The following ESCO2 variants were observed in gnomAD, a reference collection of about 807,000 sequenced individuals.
The protein encoded by ESCO2 is N-acetyltransferase ESCO2.
A neutral mutation model predicts 61.7 loss-of-function variants in ESCO2; 51 were observed. The ratio of observed to expected loss-of-function variants is 0.83; its 90% CI spans 0.66 to 1.04. The LOEUF (loss-of-function observed/expected upper bound fraction) is 1.04. Among genes scored for constraint, ESCO2 ranks in the 50% least tolerant of loss-of-function variants. The pLI, the probability that ESCO2 is intolerant of heterozygous loss-of-function variation, is 0.00. For synonymous variants in ESCO2, 230 were observed against 238.2 expected (o/e 0.97, Z 0.32); for missense variants, 692 against 686.2 (o/e 1.01, Z -0.09).
At chr8:27,789,517 C>A (rs536363831) in intron 7 of ESCO2, among the ~76,000 whole-genome samples, 1 of 152,148 alleles carries the variant, frequency 6.6e-6, no homozygotes, top group East Asian at 1.9e-4. Flanking sequence ...CAGTGACTCA[C>A]TCCTGTAATC....
rs73568217 is a variant in ESCO2, at chr8:27,799,690, T to C, written c.1647T>C (p.Ile549=). The C allele has an allele frequency of 9.3e-4, 1,496 of 1,613,982 alleles. 7 individuals are homozygous for C. The highest frequency in any genetic ancestry group is 8.9e-3 in the African/African-American group (670 of 74,956). The part of the protein sequence containing the change: ...WVFRLKRRKR[I]ARRLVDTLRN... ...TCAGACTGAAGAGAAGAAAGCGCATTGCAAGACGACTGGTTGATACCCTCA... is the reference window on the plus strand; with the variant it reads ...TCAGACTGAAGAGAAGAAAGCGCATCGCAAGACGACTGGTTGATACCCTCA... The change falls in exon 10 of 11, where the codon ATT becomes ATC. Residue 549 remains isoleucine (I), a synonymous_variant. Coordinates refer to ENST00000305188, the MANE Select transcript of ESCO2 (RefSeq NM_001017420.3).
chr8:27,793,211 C>T (rs994748132), intron 9 of ESCO2, among the ~76,000 whole-genome samples: 1 of 152,088 alleles, frequency 6.6e-6, no homozygotes, highest in African/African-American at 2.4e-5. Context: ...TGTAGTTTCT[C>T]CTTGTGTTAT....
At chr8:27,797,118 GAAA>G (rs34983063) in intron 9 of ESCO2, among the ~76,000 whole-genome samples, 1 of 145,960 alleles carries the variant, frequency 6.9e-6, no homozygotes, top group Admixed American at 6.7e-5. Context: ...TCTTAAGAAA[GAAA>G]AAAAAAGTTC....
chr8:27,786,114 T>C (rs1805035380), intron 5 of ESCO2, among the ~76,000 whole-genome samples: 1 of 152,202 alleles, frequency 6.6e-6, no homozygotes, highest in African/African-American at 2.4e-5. Context: ...CAAGTGTTTT[T>C]TCATACTGTA....
upstream of ESCO2, chr8:27,772,716 C>A: frequency 1.6e-6 from 1 of 608,538 alleles, no homozygotes; most frequent in Admixed American, 3.0e-5. Context: ...CCTGGCGAGG[C>A]GAAGTGTAGT....
At chr8:27,809,144 AAGAGTGACACATGTC>A (rs1805620081), downstream of ESCO2, among the ~76,000 whole-genome samples, 1 of 152,168 alleles carries the variant, frequency 6.6e-6, no homozygotes, top group Non-Finnish European at 1.5e-5. Context: ...CTTGGCAAAG[AAGAGTGACACATGTC>A]AGAGTGAGGA....
chr8:27,788,900 A>T lies in ESCO2; in HGVS notation c.1185A>T (p.Ile395=), dbSNP rs1246452097. ...CTGTGTGCAAGTCTTGTGGTATGAT[A>T]TATACTGCTTCCAACCCTGAAGATG... The part of the protein sequence containing the change: ...GATVCKSCGM[I]YTASNPEDEM... Residue 395 remains isoleucine (I), a synonymous_variant, in exon 7 of 11, where the codon ATA becomes ATT. Coordinates refer to ENST00000305188, the MANE Select transcript of ESCO2 (RefSeq NM_001017420.3). 1 of 1,614,158 alleles carries T rather than the reference A, an allele frequency of 6.2e-7. No homozygotes were observed. The highest frequency in any genetic ancestry group is 8.5e-7 in the Non-Finnish European group (1 of 1,180,004).
At chr8:27,772,179 A>G (rs1804645569), upstream of ESCO2, 1 of 427,434 alleles carries the variant, frequency 2.3e-6, no homozygotes, top group Non-Finnish European at 4.2e-6. Flanking sequence ...GGTGGGAAGA[A>G]GACTTGGGAT....
downstream of ESCO2, among the ~76,000 whole-genome samples, chr8:27,813,570 C>T (rs906498302): frequency 9.9e-5 from 15 of 151,670 alleles, no homozygotes; most frequent in African/African-American, 3.4e-4. Context: ...TAAACACTGA[C>T]CTCATAGCCA....
upstream of ESCO2, chr8:27,772,379 C>G: frequency 4.8e-6 from 4 of 827,500 alleles, no homozygotes; most frequent in South Asian, 5.9e-5. Flanking sequence ...GCTGGGGGAC[C>G]GAGAGGCCGC....
At chr8:27,779,517 C>A (rs183735642) in intron 3 of ESCO2, 1 of 152,270 alleles carries the variant, frequency 6.6e-6, no homozygotes, top group East Asian at 1.9e-4. Context: ...AAAAAGTTGT[C>A]CCTTTCCAGT....
chr8:27,816,055 A>T (rs1424262485), downstream of ESCO2, among the ~76,000 whole-genome samples: 1 of 152,150 alleles, frequency 6.6e-6, no homozygotes, highest in Non-Finnish European at 1.5e-5. Context: ...TGGAGCTCCT[A>T]CTTATCCTTC....
At chr8:27,815,612 ATATG>A (rs558504025), downstream of ESCO2, among the ~76,000 whole-genome samples, 463 of 152,340 alleles carry the variant, frequency 3.0e-3, no homozygotes, top group African/African-American at 0.01. Flanking sequence ...ATATACACGT[ATATG>A]TGTGTGTACA....
chr8:27,787,982 A>AG lies in ESCO2; in HGVS notation c.1111_1112insG (p.Thr371SerfsTer32), dbSNP rs1554555716. On this transcript the variant is annotated frameshift_variant, in exon 6 of 11. Transcript: ENST00000305188. LOFTEE classifies it high-confidence loss of function. ...TAATACCAGAGATACAAGTAAAAAA[A>AG]CAAAAGACCAGCTCATCATCGTGAG... 6.2e-7 allele frequency: 1 copy of AG among 1,612,440 alleles called. No homozygotes were observed. The highest frequency in any genetic ancestry group is 8.5e-7 in the Non-Finnish European group (1 of 1,178,786).
At chr8:27,795,338 T>C (rs1483458419) in intron 9 of ESCO2, among the ~76,000 whole-genome samples, 2 of 152,228 alleles carry the variant, frequency 1.3e-5, no homozygotes, top group African/African-American at 2.4e-5. Context: ...TTTTCCTGTA[T>C]AGAAACACTA....
chr8:27,811,937 C>G (rs1229018831), downstream of ESCO2: 2 of 152,104 alleles, frequency 1.3e-5, no homozygotes, highest in Admixed American at 1.3e-4. Context: ...CAATTATATA[C>G]TGCTAATACA....
At position 27,804,208 on chromosome 8, in the gene ESCO2, A is replaced by C. The variant is rs773539224; in HGVS notation, c.*770A>C. 238 of 985,142 alleles carry C rather than the reference A, an allele frequency of 2.4e-4. No individual in the cohort carries two copies. Among genetic ancestry groups the C allele is most frequent in the Non-Finnish European group, 2.9e-4 (237 of 829,784 alleles). The allele number at this position is 985,142 out of a possible 1,614,324, so 61.0% of individuals were successfully genotyped here. On this transcript the variant is annotated 3_prime_UTR_variant, in exon 11 of 11. Coordinates refer to ENST00000305188, the MANE Select transcript of ESCO2 (RefSeq NM_001017420.3). ...TAGCTTAGTGTTCAATCTTTTTGAA[A>C]ATAAATGTTTACCTGTCATCAGATT...
chr8:27,793,699 C>G (rs1805231958), intron 9 of ESCO2, among the ~76,000 whole-genome samples: 1 of 151,976 alleles, frequency 6.6e-6, no homozygotes, highest in Non-Finnish European at 1.5e-5. Flanking sequence ...GTTGTCCAGG[C>G]TGATCTTGAA....
At chr8:27,807,055 T>C (rs4732605), downstream of ESCO2, among the ~76,000 whole-genome samples, 23,919 of 152,196 alleles carry the variant, frequency 0.16, 2,387 homozygotes, top group East Asian at 0.37. Context: ...TATTTCTATC[T>C]ACATAATATC....
Sources: allele counts gnomAD v4.1 joint callset (sites outside exome capture counted in the v4.1 genomes callset), GRCh38; gene constraint gnomAD v4.1.1; transcripts MANE v1.5; gene names NCBI Gene and HGNC (gene_info 2026-07-23, HGNC 2026-07-21).